Variants in SNX29 observed in about 807,000 individuals in gnomAD.
SNX29 encodes sorting nexin 29.
Under a neutral mutation model 102.1 loss-of-function variants are expected in SNX29, and 78 were observed. The observed-to-expected ratio is 0.76, with a 90% CI of 0.64 to 0.92. The LOEUF (loss-of-function observed/expected upper bound fraction) is 0.92, where lower values mean the gene tolerates loss of function less well. Among genes scored for constraint, SNX29 ranks in the 40% least tolerant of loss-of-function variants. The probability of loss-of-function intolerance (pLI) is 0.00; values close to 1 mark genes in which losing one functional copy is unlikely to be tolerated. For missense variants in SNX29, 1,280 were observed against 1,061.7 expected (o/e 1.21, Z -2.86); for synonymous variants, 580 against 414.5 (o/e 1.40, Z -4.85).
At chr16:12,211,083 C>G (rs1402727699) in intron 14 of SNX29, among the ~76,000 whole-genome samples, 1 of 152,056 alleles carries the variant, frequency 6.6e-6, no homozygotes, top group African/African-American at 2.4e-5. Context: ...TCCAAAACCC[C>G]TGGGTGGTTT....
At chr16:12,152,973 G>GCCAT (rs2055363117) in intron 13 of SNX29, among the ~76,000 whole-genome samples, 1 of 152,184 alleles carries the variant, frequency 6.6e-6, no homozygotes, top group African/African-American at 2.4e-5. Flanking sequence ...AACGTCCCCT[G>GCCAT]CCATCCATCC....
chr16:12,539,698 A>T (rs1250701768), intron 20 of SNX29, among the ~76,000 whole-genome samples: 1 of 152,240 alleles, frequency 6.6e-6, no homozygotes, highest in Non-Finnish European at 1.5e-5. Flanking sequence ...GCAGCATGTC[A>T]TACTGTCATG....
rs3803610 is a variant in SNX29 at position 12,572,668 on chromosome 16, A to T, written c.*4039A>T. On this transcript the variant is annotated 3_prime_UTR_variant, in exon 21 of 21. Transcript: ENST00000566228. ...ACCAAGCTCCTGTGTGAGCTGCAGC[A>T]CCCACACGGGGGAAGCCCTGCACTC... 8 of 1,063,454 alleles carry T rather than the reference A, an allele frequency of 7.5e-6. No homozygotes were observed. In the African/African-American group the frequency reaches 1.3e-4, roughly 17 times the overall value. 65.9% of individuals were successfully genotyped at this position (1,063,454 alleles called of 1,614,324 possible). A position where few individuals can be genotyped will look rare whatever the true frequency, so the allele number is the denominator to read the frequency against.
At chr16:12,431,675 G>T (rs748375053) in intron 18 of SNX29, among the ~76,000 whole-genome samples, 4 of 152,190 alleles carry the variant, frequency 2.6e-5, no homozygotes, top group Admixed American at 6.5e-5. Context: ...GTTGAATGAA[G>T]TCAGGAAATG....
intron 3 of SNX29, among the ~76,000 whole-genome samples, chr16:12,022,271 G>C (rs1440168396): frequency 6.6e-6 from 1 of 150,960 alleles, no homozygotes; most frequent in African/African-American, 2.4e-5. Flanking sequence ...CACAATCTCA[G>C]CTCACTGCGA....
At chr16:12,506,334 C>A (rs2089377897) in intron 19 of SNX29, among the ~76,000 whole-genome samples, 1 of 152,180 alleles carries the variant, frequency 6.6e-6, no homozygotes, top group Non-Finnish European at 1.5e-5. Flanking sequence ...GGCTTGAATC[C>A]TGCGCCTGTC....
intron 18 of SNX29, among the ~76,000 whole-genome samples, chr16:12,414,384 TA>T (rs1427736925): frequency 6.6e-6 from 1 of 152,098 alleles, no homozygotes; most frequent in Non-Finnish European, 1.5e-5. Context: ...AAAGTACAAG[TA>T]AAAAAGTAAG....
chr16:12,281,401 CA>C (rs1439137915), intron 15 of SNX29, among the ~76,000 whole-genome samples: 1 of 152,158 alleles, frequency 6.6e-6, no homozygotes, highest in Non-Finnish European at 1.5e-5. Context: ...CTGGACAGCA[CA>C]GAACCTAAAG....
chr16:12,081,269 G>C (rs952535041), intron 11 of SNX29: 3 of 152,220 alleles, frequency 2.0e-5, no homozygotes, highest in Non-Finnish European at 4.4e-5. Flanking sequence ...CTGCTGGGAA[G>C]CTCTGTAACC....
chr16:12,282,129 C>G (rs1419122025), intron 15 of SNX29, among the ~76,000 whole-genome samples: 1 of 150,648 alleles, frequency 6.6e-6, no homozygotes, highest in East Asian at 2.0e-4. Flanking sequence ...GATTTGAATC[C>G]TCACAGTTGA....
chr16:12,066,251 G>A (rs550732555), intron 9 of SNX29, among the ~76,000 whole-genome samples: 85 of 152,320 alleles, frequency 5.6e-4, no homozygotes, highest in Non-Finnish European at 9.7e-4. Flanking sequence ...GGCGTCTGCT[G>A]TAGAAGGCCT....
chr16:12,420,456 C>T (rs988073741), intron 18 of SNX29, among the ~76,000 whole-genome samples: 14 of 152,060 alleles, frequency 9.2e-5, no homozygotes, highest in South Asian at 4.1e-4. Context: ...GTGGGAAGCC[C>T]GTGGGTCTGC....
intron 1 of SNX29, among the ~76,000 whole-genome samples, chr16:11,998,125 T>C (rs2056156438): frequency 6.6e-6 from 1 of 152,222 alleles, no homozygotes. Flanking sequence ...AATGCCCTGC[T>C]GCTACTCTCT....
intron 18 of SNX29, among the ~76,000 whole-genome samples, chr16:12,414,273 C>G (rs1354718699): frequency 6.6e-6 from 1 of 152,158 alleles, no homozygotes; most frequent in African/African-American, 2.4e-5. Flanking sequence ...ACTCAGCAGA[C>G]TGAGGTAAGA....
At chr16:12,567,931 G>A (rs181564235) in intron 20 of SNX29, among the ~76,000 whole-genome samples, 22 of 152,238 alleles carry the variant, frequency 1.4e-4, no homozygotes, top group African/African-American at 3.4e-4. Flanking sequence ...CTGTGTGTTC[G>A]CGTTGCTTCA....
At chr16:12,125,434 C>T (rs182190350) in intron 11 of SNX29, among the ~76,000 whole-genome samples, 24 of 151,964 alleles carry the variant, frequency 1.6e-4, no homozygotes, top group Non-Finnish European at 1.5e-5. Flanking sequence ...ACACAGGTGC[C>T]TCGTCCAAGA....
intron 20 of SNX29, among the ~76,000 whole-genome samples, chr16:12,540,303 C>T (rs2077272074): frequency 6.6e-6 from 1 of 152,070 alleles, no homozygotes; most frequent in African/African-American, 2.4e-5. Flanking sequence ...TACGGGGTGG[C>T]CCCACCCTCT....
At chr16:12,370,547 G>T (rs1214793838) in intron 16 of SNX29, among the ~76,000 whole-genome samples, 1 of 152,106 alleles carries the variant, frequency 6.6e-6, no homozygotes, top group Non-Finnish European at 1.5e-5. Context: ...GTGACAGAGC[G>T]AAACTCCGTC....
At chr16:12,363,608 C>G (rs1327294585) in intron 16 of SNX29, among the ~76,000 whole-genome samples, 1 of 152,312 alleles carries the variant, frequency 6.6e-6, no homozygotes, top group African/African-American at 2.4e-5. Context: ...TGCCTAGCAC[C>G]ATTCCCAGCA....
Sources: allele counts gnomAD v4.1 joint callset (sites outside exome capture counted in the v4.1 genomes callset), GRCh38; gene constraint gnomAD v4.1.1; transcripts MANE v1.5; gene names NCBI Gene and HGNC (gene_info 2026-07-23, HGNC 2026-07-21).